Variants in CNOT1 observed in about 807,000 individuals in gnomAD.
The protein encoded by CNOT1 is CCR4-associated factor 1.
A neutral mutation model predicts 273.8 loss-of-function variants in CNOT1; 15 were observed. The observed-to-expected ratio is 0.05, with a 90% CI of 0.04 to 0.08. The LOEUF is 0.08. Among genes scored for constraint, CNOT1 ranks in the 10% least tolerant of loss-of-function variants. The pLI, the probability that CNOT1 is intolerant of heterozygous loss-of-function variation, is 1.00. For synonymous variants in CNOT1, 1,022 were observed against 1,005.5 expected, an observed-to-expected ratio of 1.02 and a Z score of -0.31; for missense variants, 1,644 against 2,912.2, an observed-to-expected ratio of 0.56 and a Z score of 10.02.
At position 58,556,851 on chromosome 16, in the gene CNOT1, T is replaced by G. The variant is rs942504972; in HGVS notation, c.2475A>C (p.Lys825Asn). 1 of 1,612,862 alleles carries G rather than the reference T, an allele frequency of 6.2e-7. No homozygotes were observed. The highest frequency in any genetic ancestry group is 8.5e-7 in the Non-Finnish European group (1 of 1,179,632). The change falls in exon 19 of 49, where the codon AAA (lysine) becomes AAC (asparagine). Residue 825 changes from lysine to asparagine, a missense_variant. By Grantham distance (94) the Lys-to-Asn change is moderately conservative (BLOSUM62 0). Coordinates refer to ENST00000317147, the MANE Select transcript of CNOT1 (RefSeq NM_016284.5). ...ACAGACAACACTACCACTTACAAGG[T>G]TTCATCTTACTCTGCTGGAATGTAG... ...NQPTFQQSKMKPSDLSQVWPE... is the reference protein window; with the variant it reads ...NQPTFQQSKMNPSDLSQVWPE...
At position 58,611,002 on chromosome 16, in the gene CNOT1, G is replaced by A. The variant is rs777406379; in HGVS notation, c.-174-11491C>T. ...CAGTGAGCCGAGAGCACACCACTGC[G>A]CTCCAGCCTGGGTGACAGAGCTAGA... On this transcript the variant is annotated intron_variant, in intron 1 of 48. Coordinates refer to ENST00000317147, the MANE Select transcript of CNOT1 (RefSeq NM_016284.5). 4.0e-5 allele frequency among the ~76,000 whole-genome samples: 6 copies of A among 151,198 alleles called. No individual in the cohort carries two copies. In the East Asian group the frequency reaches 5.9e-4, roughly 15 times the overall value.
At chr16:58,577,546 C>T (rs1390815138) in intron 13 of CNOT1, among the ~76,000 whole-genome samples, 1 of 152,072 alleles carries the variant, frequency 6.6e-6, no homozygotes, top group African/African-American at 2.4e-5. Flanking sequence ...ATAAACTACT[C>T]CAAGTATGGG....
chr16:58,618,348 C>CTGAAGTG (rs1456149191), intron 1 of CNOT1, among the ~76,000 whole-genome samples: 7 of 152,066 alleles, frequency 4.6e-5, no homozygotes, highest in Non-Finnish European at 1.0e-4. Context: ...CTTTGGGAGG[C>CTGAAGTG]TGAAGTGGAT....
chr16:58,592,510 G>A (rs2042098079), intron 2 of CNOT1, among the ~76,000 whole-genome samples: 1 of 152,142 alleles, frequency 6.6e-6, no homozygotes. Context: ...GCCAGGAGCT[G>A]GAGGTTGCAG....
At chr16:58,572,415 C>T (rs928275917) in intron 16 of CNOT1, among the ~76,000 whole-genome samples, 1 of 151,982 alleles carries the variant, frequency 6.6e-6, no homozygotes, top group Non-Finnish European at 1.5e-5. Context: ...TGGTAGGATG[C>T]CTTGAGCCCA....
chr16:58,541,695 G>T, intron 33 of CNOT1, 75 bp from the exon 34 acceptor site: 1 of 1,456,014 alleles, frequency 6.9e-7, no homozygotes, highest in Non-Finnish European at 9.6e-7. Context: ...TGGAAAGTCT[G>T]CATGTGGGTA....
At chr16:58,620,207 A>G (rs2043257390) in intron 1 of CNOT1, among the ~76,000 whole-genome samples, 1 of 152,176 alleles carries the variant, frequency 6.6e-6, no homozygotes, top group Admixed American at 6.6e-5. Context: ...CTTAAAAGGC[A>G]TTGTAGGGTG....
At position 58,625,854 on chromosome 16, in the gene CNOT1, T is replaced by C. The variant is rs1166394631; in HGVS notation, c.-175+3874A>G. On this transcript the variant is annotated intron_variant, in intron 1 of 48. Transcript: ENST00000317147. ...GCCTAGGCATTGAAGTGAAACCCTG[T>C]CTCAAAAAAAAAAAAAAAAAAAACT... 7.3e-5 allele frequency among the ~76,000 whole-genome samples: 6 copies of C among 82,550 alleles called. No individual in the cohort carries two copies. The South Asian group carries it at 2.1e-3, about 28-fold the overall frequency. 54.2% of individuals were successfully genotyped at this position (82,550 alleles called of 152,430 possible).
rs2041463591 is a variant in CNOT1 at position 58,576,547 on chromosome 16, A to G, written c.1620T>C (p.His540=). ...QSPSIRQLIM[H]AMAEWYMRGE... ...CTCTCATGTACCATTCTGCCATTGCATGCATGATAAGTTGGCGAATTGAGG... is the reference window on the plus strand; with the variant it reads ...CTCTCATGTACCATTCTGCCATTGCGTGCATGATAAGTTGGCGAATTGAGG... The change falls in exon 14 of 49, where the codon CAT becomes CAC. Residue 540 remains histidine, a synonymous_variant. Coordinates refer to ENST00000317147, the MANE Select transcript of CNOT1 (RefSeq NM_016284.5). 2 of 1,614,214 alleles carry G rather than the reference A, an allele frequency of 1.2e-6. No homozygotes were observed. Among genetic ancestry groups the G allele is most frequent in the Non-Finnish European group, 1.7e-6 (2 of 1,180,036 alleles).
intron 2 of CNOT1, among the ~76,000 whole-genome samples, chr16:58,598,586 T>G (rs1476170534): frequency 6.7e-6 from 1 of 149,090 alleles, no homozygotes; most frequent in Non-Finnish European, 1.5e-5. Flanking sequence ...GAGATTGCAG[T>G]AAGACAAAAT....
At chr16:58,573,395 T>C (rs1373755904) in intron 16 of CNOT1, among the ~76,000 whole-genome samples, 1 of 151,074 alleles carries the variant, frequency 6.6e-6, no homozygotes, top group East Asian at 1.9e-4. Flanking sequence ...AAAAAGACAA[T>C]GTTATTAAGA....
intron 16 of CNOT1, among the ~76,000 whole-genome samples, chr16:58,567,551 C>CAA (rs35372389): frequency 0.013 from 1,498 of 111,540 alleles, 15 homozygotes; most frequent in Non-Finnish European, 0.019. Flanking sequence ...GACATCATCT[C>CAA]AAAAAAAAAA....
chr16:58,540,044 A>G (rs949870106), intron 34 of CNOT1, 85 bp from the exon 35 acceptor site: 26 of 1,329,968 alleles, frequency 2.0e-5, no homozygotes, highest in Non-Finnish European at 2.0e-5. Context: ...GAGGTCTACT[A>G]GTATGTTTAC....
Position 58,547,679 on chromosome 16 carries a change from G to T in CNOT1, c.3526C>A (p.Leu1176Ile). 6.2e-7 allele frequency: 1 copy of T among 1,612,664 alleles called. No homozygotes were observed. The highest frequency in any genetic ancestry group is 8.5e-7 in the Non-Finnish European group (1 of 1,179,418). ...GCTGCAGCTTTATCAGAGGTCAGGAGCACCTGAAATAGTGTAAGATTAAGA... is the reference window on the plus strand; with the variant it reads ...GCTGCAGCTTTATCAGAGGTCAGGATCACCTGAAATAGTGTAAGATTAAGA... ...LNETYRNIKV[L>I]LTSDKAAANF... Residue 1176 changes from leucine to isoleucine, a missense_variant, in exon 26 of 49, where the codon CTC (leucine) becomes ATC (isoleucine). Physicochemically the swap from Leu to Ile is conservative, Grantham distance 5 (BLOSUM62 2). Coordinates refer to ENST00000317147, the MANE Select transcript of CNOT1 (RefSeq NM_016284.5). This position sits in a 1 kb window ranked among gnomAD's most constrained non-coding sequence, Gnocchi z 4.0.
chr16:58,591,057 T>TC (rs1242822304), intron 2 of CNOT1, among the ~76,000 whole-genome samples: 5 of 152,282 alleles, frequency 3.3e-5, no homozygotes, highest in African/African-American at 1.2e-4. Context: ...AGAGAAGCCT[T>TC]CTAAGGTGAG....
At chr16:58,605,188 A>G (rs1014710741) in intron 1 of CNOT1, among the ~76,000 whole-genome samples, 4 of 151,016 alleles carry the variant, frequency 2.6e-5, no homozygotes, top group Non-Finnish European at 4.4e-5. Flanking sequence ...CATTTCAACA[A>G]ATCTCCCAAT....
At chr16:58,624,066 G>A (rs2043460290) in intron 1 of CNOT1, among the ~76,000 whole-genome samples, 1 of 152,122 alleles carries the variant, frequency 6.6e-6, no homozygotes, top group African/African-American at 2.4e-5. Context: ...CAAAAGAAGG[G>A]GGTATTAGGA....
At chr16:58,566,485 A>G (rs2041047489) in intron 16 of CNOT1, among the ~76,000 whole-genome samples, 1 of 152,256 alleles carries the variant, frequency 6.6e-6, no homozygotes, top group Admixed American at 6.5e-5. Context: ...TTAACAGGCA[A>G]TTAACTTTCC....
rs545544466 is a variant in CNOT1, at chr16:58,542,315, A to G, written c.4596T>C (p.His1532=). ...RLATEFELRK[H]ARQEGRRYCD... ...AGTATCTGCGTCCTTCTTGCCTAGC[A>G]TGTTTTCTCAGCTCAAATTCCTGCA... is the stretch of plus-strand genomic sequence containing the variant. The change falls in exon 33 of 49, where the codon CAT becomes CAC. Residue 1532 remains histidine, a synonymous_variant. Coordinates refer to ENST00000317147, the MANE Select transcript of CNOT1 (RefSeq NM_016284.5). 1 of 1,614,156 alleles carries G rather than the reference A, an allele frequency of 6.2e-7. No homozygotes were observed. The highest frequency in any genetic ancestry group is 1.7e-5 in the Admixed American group (1 of 60,020).
Sources: allele counts gnomAD v4.1 joint callset (sites outside exome capture counted in the v4.1 genomes callset), GRCh38; gene constraint gnomAD v4.1.1; non-coding constraint Gnocchi (gnomAD v3.1); transcripts MANE v1.5; gene names NCBI Gene and HGNC (gene_info 2026-07-23, HGNC 2026-07-21).